Variants in CFAP46 observed in about 807,000 individuals in gnomAD.
The protein encoded by CFAP46 is cilia and flagella associated protein 46.
Under a neutral mutation model 325.7 loss-of-function variants are expected in CFAP46, and 245 were observed. The observed-to-expected ratio is 0.75, with a 90% CI of 0.68 to 0.84. The LOEUF is 0.84. CFAP46 is among the 40% of genes least tolerant of loss of function. CFAP46 has a pLI of 0.00. For missense variants in CFAP46, 3,346 were observed against 3,543.0 expected (o/e 0.94, Z 1.41); for synonymous variants, 1,523 against 1,495.9 (o/e 1.02, Z -0.42).
chr10:132,851,013 C>T, intron 40 of CFAP46, 104 bp downstream of exon 40: 1 of 1,383,118 alleles, frequency 7.2e-7, no homozygotes, highest in South Asian at 1.2e-5. Flanking sequence ...CCCGCACCGC[C>T]AGGTGCACAG....
rs1163711663 is a variant in CFAP46 at position 132,827,599 on chromosome 10, T to A, written c.7117+5759A>T. On this transcript the variant is annotated intron_variant, in intron 50 of 57. Transcript: ENST00000368586. The surrounding 1 kb of genome is among the most constrained non-coding windows in gnomAD (Gnocchi z 5.7). ...GAGTCCAATTTGAGCATTGTTCAGGTTCAACTGACCACAGGGAGCTGCCTG... is the reference window on the plus strand; with the variant it reads ...GAGTCCAATTTGAGCATTGTTCAGGATCAACTGACCACAGGGAGCTGCCTG... Among the ~76,000 whole-genome samples, 1 of 151,864 alleles carries A rather than the reference T, an allele frequency of 6.6e-6. No individual in the cohort carries two copies. Among genetic ancestry groups the A allele is most frequent in the Non-Finnish European group, 1.5e-5 (1 of 67,998 alleles).
At chr10:132,848,010 A>G (rs905207396) in intron 41 of CFAP46, among the ~76,000 whole-genome samples, 2 of 152,124 alleles carry the variant, frequency 1.3e-5, no homozygotes, top group Admixed American at 1.3e-4. Flanking sequence ...GCTGCCTGAC[A>G]TGCACGGAGC....
intron 40 of CFAP46, among the ~76,000 whole-genome samples, chr10:132,850,667 G>A (rs1432062457): frequency 2.0e-5 from 3 of 152,196 alleles, no homozygotes; most frequent in Non-Finnish European, 4.4e-5. Flanking sequence ...GCCCGTCTTT[G>A]GTCCATTTAT....
At chr10:132,811,350 G>C (rs1489701727) in intron 55 of CFAP46, among the ~76,000 whole-genome samples, 1 of 152,168 alleles carries the variant, frequency 6.6e-6, no homozygotes, top group African/African-American at 2.4e-5. Flanking sequence ...CCCCCACCAT[G>C]CCTGGACACC....
intron 9 of CFAP46, among the ~76,000 whole-genome samples, chr10:132,928,334 A>G (rs893475341): frequency 1.4e-4 from 22 of 152,184 alleles, no homozygotes; most frequent in African/African-American, 4.8e-4. Context: ...GAAGATGGAA[A>G]TGGGGCCCAC....
rs147884692 is a variant in CFAP46, at chr10:132,929,716, T to C, written c.955A>G (p.Met319Val). ...SSACLSDLKK[M>V]ESKDPGKLIE... is the part of the protein sequence containing the mutation. ...ATGAAGCCACTTACTTTGCTTTCCATCTTCTTCAGGTCTGAGAGGCAGGCA... is the reference window on the plus strand; with the variant it reads ...ATGAAGCCACTTACTTTGCTTTCCACCTTCTTCAGGTCTGAGAGGCAGGCA... Residue 319 changes from methionine to valine, a missense_variant, in exon 9 of 58, where the codon ATG (methionine) becomes GTG (valine). Physicochemically the swap from Met to Val is conservative, Grantham distance 21 (BLOSUM62 1). Coordinates refer to ENST00000368586, the MANE Select transcript of CFAP46 (RefSeq NM_001200049.3). The C allele has an allele frequency of 6.7e-4, 1,080 of 1,613,896 alleles. 2 individuals carry two copies. The highest frequency in any genetic ancestry group is 8.8e-4 in the Non-Finnish European group (1,041 of 1,179,896).
intron 25 of CFAP46, 91 bp downstream of exon 25, chr10:132,892,242 G>A: frequency 1.6e-6 from 2 of 1,237,750 alleles, no homozygotes; most frequent in Non-Finnish European, 2.3e-6. Context: ...GTCAGGGCAT[G>A]GGAATTTAAA....
In CFAP46 at chr10:132,860,831, G is replaced by A. The variant is rs1261803378; in HGVS notation, c.5042C>T (p.Thr1681Ile). ...SEEFWYNSTL[T>I]LAEALLSMEH... The stretch of plus-strand genomic sequence containing the variant: ...CATGGACAAGAGCGCCTCTGCCAGG[G>A]TCAGAGTGGAATTGTACCAGAACTC... The change falls in exon 36 of 58, where the codon ACC becomes ATC. Residue 1681 changes from threonine to isoleucine, a missense_variant. Physicochemically the swap from Thr to Ile is moderately conservative, Grantham distance 89. Transcript: ENST00000368586. The A allele has an allele frequency of 6.4e-7, 1 of 1,551,106 alleles. No individual in the cohort carries two copies. Among genetic ancestry groups the A allele is most frequent in the Non-Finnish European group, 8.7e-7 (1 of 1,147,092 alleles).
chr10:132,846,050 C>G lies in CFAP46; in HGVS notation c.6438+7G>C. On this transcript the variant is annotated splice_region_variant and intron_variant, in intron 44 of 57. Transcript: ENST00000368586. Reference sequence around the variant, plus strand: ...GGGCAGGTTCAGCGGCATCCGTGCCCGCTTACCTTGGACACGGCGGCCAGC... The same window carrying G: ...GGGCAGGTTCAGCGGCATCCGTGCCGGCTTACCTTGGACACGGCGGCCAGC... The G allele has an allele frequency of 6.2e-7, 1 of 1,600,216 alleles. No individual in the cohort carries two copies. Among genetic ancestry groups the G allele is most frequent in the African/African-American group, 1.3e-5 (1 of 74,860 alleles).
intron 34 of CFAP46, 92 bp from the exon 35 acceptor site, chr10:132,866,263 C>G: frequency 7.6e-7 from 1 of 1,323,990 alleles, no homozygotes; most frequent in Non-Finnish European, 9.9e-7. Context: ...GCCATCTGTA[C>G]CACACAGGGA....
chr10:132,910,956 C>T (rs1023786515), intron 19 of CFAP46, among the ~76,000 whole-genome samples: 1 of 152,242 alleles, frequency 6.6e-6, no homozygotes, highest in Admixed American at 6.5e-5. Context: ...TCCTCACACT[C>T]TCCGCCATTC....
intron 39 of CFAP46, among the ~76,000 whole-genome samples, chr10:132,852,187 T>C (rs531438131): frequency 1.4e-4 from 20 of 143,318 alleles, no homozygotes; most frequent in Non-Finnish European, 2.4e-4. Context: ...AATTCTCAGA[T>C]CCTGATCCAC....
At chr10:132,929,200 T>C (rs1849853658) in intron 9 of CFAP46, 1 of 385,294 alleles carries the variant, frequency 2.6e-6, no homozygotes, top group Non-Finnish European at 4.7e-6. Context: ...CACAATAAGA[T>C]ATTTATAACA....
At chr10:132,941,141 T>C (rs921253747) in intron 3 of CFAP46, 81 bp from the exon 4 acceptor site, 6 of 1,446,766 alleles carry the variant, frequency 4.1e-6, no homozygotes, top group South Asian at 1.1e-5. Flanking sequence ...CACGGCTCCC[T>C]CACGGTTGGC....
Position 132,922,086 on chromosome 10 carries a change from G to T in CFAP46, c.1606+18C>A, listed in dbSNP as rs377364117. On this transcript the variant is annotated intron_variant, in intron 13 of 57. Transcript: ENST00000368586. ...AGGTGGACCGTTCTGGGCTGGGAGA[G>T]CCCAGTGCAGAGCTCACCTTTGGCC... 4.7e-5 allele frequency: 72 copies of T among 1,548,330 alleles called. No homozygotes were observed. The highest frequency in any genetic ancestry group is 6.3e-5 in the Non-Finnish European group (72 of 1,145,946).
intron 57 of CFAP46, among the ~76,000 whole-genome samples, 193 bp from the exon 58 acceptor site, chr10:132,809,097 G>A (rs770345308): frequency 8.6e-5 from 13 of 151,776 alleles, no homozygotes; most frequent in Non-Finnish European, 1.5e-4. Context: ...GTCCAGGCCC[G>A]CGCAGCCGGG....
At position 132,821,970 on chromosome 10, in the gene CFAP46, G is replaced by A. The variant is rs531056890; in HGVS notation, c.7118-7056C>T. Among the ~76,000 whole-genome samples the A allele has an allele frequency of 2.8e-3, 369 of 129,946 alleles. 3 individuals carry two copies. Among genetic ancestry groups the A allele is most frequent in the African/African-American group, 0.011 (341 of 32,438 alleles). 85.2% of individuals were successfully genotyped at this position (129,946 alleles called of 152,430 possible). ...GTGCGCTTGTGTGTGCTGTGTGTGCGCTGATGTGTGCTGTGTGTGCGCTTG... is the reference window on the plus strand; with the variant it reads ...GTGCGCTTGTGTGTGCTGTGTGTGCACTGATGTGTGCTGTGTGTGCGCTTG... On this transcript the variant is annotated intron_variant, in intron 50 of 57. Coordinates refer to ENST00000368586, the MANE Select transcript of CFAP46 (RefSeq NM_001200049.3).
At chr10:132,850,194 C>T (rs760976279) in intron 41 of CFAP46, 50 bp downstream of exon 41, 127 of 1,530,262 alleles carry the variant, frequency 8.3e-5, no homozygotes, top group Non-Finnish European at 1.0e-4. Flanking sequence ...TTTTCAGGCA[C>T]GGGTGACTGG....
Position 132,942,119 on chromosome 10 carries a change from T to C in CFAP46, c.50-15A>G. 6.4e-7 allele frequency: 1 copy of C among 1,550,726 alleles called. No homozygotes were observed. ...GGACGCAGCATCTGTCCCAAACGGGTGGTTGAGGAAGGTTTGGTCACTGGG... is the reference window on the plus strand; with the variant it reads ...GGACGCAGCATCTGTCCCAAACGGGCGGTTGAGGAAGGTTTGGTCACTGGG... On this transcript the variant is annotated splice_polypyrimidine_tract_variant and intron_variant, in intron 1 of 57. Transcript: ENST00000368586.
Sources: gnomAD v4.1 joint callset for allele counts (sites outside exome capture counted in the v4.1 genomes callset) on GRCh38, gnomAD v4.1.1 for gene constraint, Gnocchi (gnomAD v3.1) non-coding constraint, MANE v1.5 for transcripts, NCBI Gene and HGNC (gene_info 2026-07-23, HGNC 2026-07-21) for gene names.